SEMA5A: variants seen among roughly 807,000 people sequenced by gnomAD.
SEMA5A encodes the protein semaphorin 5A, also known as semaphorin-5A.
Under a neutral mutation model 135.5 loss-of-function variants are expected in SEMA5A, and 55 were observed. The ratio of observed to expected loss-of-function variants is 0.41; its 90% CI spans 0.33 to 0.51. The LOEUF is 0.51. Ranked by LOEUF, SEMA5A falls within the 20% of genes least tolerant of loss-of-function variation. SEMA5A has a pLI of 0.37. For missense variants in SEMA5A, 1,290 were observed against 1,419.9 expected, an observed-to-expected ratio of 0.91 and a Z score of 1.47; for synonymous variants, 580 against 546.5, an observed-to-expected ratio of 1.06 and a Z score of -0.85.
Position 9,288,869 on chromosome 5 carries a change from G to A in SEMA5A, c.270+29503C>T, listed in dbSNP as rs950339749. On this transcript the variant is annotated intron_variant, in intron 5 of 22. Transcript: ENST00000382496. ...GTTGATATTTGAAAGAAGTAGAAAT[G>A]AGGACACACAAAAAAAAGGAAAGCA... is the stretch of plus-strand genomic sequence containing the variant. Among the ~76,000 whole-genome samples, 3 of 152,120 alleles carry A rather than the reference G, an allele frequency of 2.0e-5. No individual in the cohort carries two copies. In the South Asian group the frequency reaches 6.2e-4, roughly 32 times the overall value.
intron 13 of SEMA5A, among the ~76,000 whole-genome samples, chr5:9,128,818 G>A (rs569872426): frequency 6.6e-6 from 1 of 152,134 alleles, no homozygotes; most frequent in East Asian, 1.9e-4. Context: ...TCTCCACATC[G>A]GCACTATTGA....
Position 9,042,754 on chromosome 5 carries a change from G to T in SEMA5A, c.*143C>A. Reference sequence around the variant, plus strand: ...TTGCTTTTAAAGACGTGTATTTTTGGCAGCAATGGGACACTCTGGTGGCTT... The same window carrying T: ...TTGCTTTTAAAGACGTGTATTTTTGTCAGCAATGGGACACTCTGGTGGCTT... On this transcript the variant is annotated 3_prime_UTR_variant, in exon 23 of 23. Coordinates refer to ENST00000382496, the MANE Select transcript of SEMA5A (RefSeq NM_003966.3). 2.2e-6 allele frequency: 2 copies of T among 906,670 alleles called. No individual in the cohort carries two copies. Among genetic ancestry groups the T allele is most frequent in the South Asian group, 1.6e-5 (1 of 61,466 alleles). 56.2% of individuals were successfully genotyped at this position (906,670 alleles called of 1,614,324 possible). A position where few individuals can be genotyped will look rare whatever the true frequency, so the allele number is the denominator to read the frequency against.
intron 2 of SEMA5A, among the ~76,000 whole-genome samples, chr5:9,393,985 G>A (rs907554422): frequency 6.6e-6 from 1 of 151,918 alleles, no homozygotes; most frequent in African/African-American, 2.4e-5. Flanking sequence ...TAAGAACGTT[G>A]AGAGAAAAAA....
intron 17 of SEMA5A, among the ~76,000 whole-genome samples, chr5:9,065,313 C>T (rs786848): frequency 0.76 from 116,033 of 152,108 alleles, 44,479 homozygotes; most frequent in East Asian, 0.95. Context: ...ATCTGTGACA[C>T]GAGAGCAGCT....
At chr5:9,188,830 C>T (rs930093366) in intron 11 of SEMA5A, among the ~76,000 whole-genome samples, 6 of 102,602 alleles carry the variant, frequency 5.8e-5, no homozygotes, top group Admixed American at 1.0e-4. Flanking sequence ...GACCTCCCAT[C>T]CCCTCCAGAT....
chr5:9,088,118 C>G (rs1013663453), intron 16 of SEMA5A, among the ~76,000 whole-genome samples: 2 of 152,000 alleles, frequency 1.3e-5, no homozygotes, highest in Non-Finnish European at 2.9e-5. Context: ...ACCATTCTGC[C>G]CAACATGGTG....
At chr5:9,439,998 G>T (rs1415733777) in intron 1 of SEMA5A, among the ~76,000 whole-genome samples, 1 of 152,264 alleles carries the variant, frequency 6.6e-6, no homozygotes, top group African/African-American at 2.4e-5. Context: ...CAGCCTGGGG[G>T]CTTGTCAGCC....
rs1406407538 is a variant in SEMA5A at position 9,353,060 on chromosome 5, G to GA, written c.125-15249dup. On this transcript the variant is annotated intron_variant, in intron 3 of 22. Transcript: ENST00000382496. Reference sequence around the variant, plus strand: ...AAAAGAAGAAGGAAGGAAAGGAAAGGAAGGAAAGGAAAGGAAAGGAAAGGA... The same window carrying GA: ...AAAAGAAGAAGGAAGGAAAGGAAAGGAAAGGAAAGGAAAGGAAAGGAAAGGA... Among the ~76,000 whole-genome samples, 7 of 36,532 alleles carry GA rather than the reference G, an allele frequency of 1.9e-4. No homozygotes were observed. The South Asian group carries it at 3.6e-3, about 19-fold the overall frequency. The allele number at this position is 36,532 out of a possible 152,430, so 24.0% of individuals were successfully genotyped here. A position where few individuals can be genotyped will look rare whatever the true frequency, so the allele number is the denominator to read the frequency against.
intron 7 of SEMA5A, 50 bp downstream of exon 7, chr5:9,226,819 T>C: frequency 7.2e-7 from 1 of 1,397,632 alleles, no homozygotes; most frequent in Non-Finnish European, 1.0e-6. Context: ...TACACAATGT[T>C]TTGCCTCTTC....
intron 1 of SEMA5A, among the ~76,000 whole-genome samples, chr5:9,504,702 C>T (rs1455639336): frequency 6.6e-6 from 1 of 152,168 alleles, no homozygotes; most frequent in Non-Finnish European, 1.5e-5. Flanking sequence ...AGGACAGGTG[C>T]AAGGGAGGAA....
At chr5:9,170,335 A>G (rs1743847739) in intron 11 of SEMA5A, among the ~76,000 whole-genome samples, 1 of 152,204 alleles carries the variant, frequency 6.6e-6, no homozygotes. Flanking sequence ...GTAGATACCC[A>G]TGCATGTCAC....
intron 18 of SEMA5A, 37 bp from the exon 19 acceptor site, chr5:9,054,294 C>T: frequency 6.3e-7 from 1 of 1,582,446 alleles, no homozygotes; most frequent in South Asian, 1.2e-5. Context: ...CTTCTATAAT[C>T]CAATCCCAAC....
intron 1 of SEMA5A, among the ~76,000 whole-genome samples, chr5:9,530,721 T>C (rs1471258727): frequency 6.6e-6 from 1 of 152,098 alleles, no homozygotes; most frequent in Non-Finnish European, 1.5e-5. Flanking sequence ...AGGATGCATC[T>C]ATAGTGGGCA....
chr5:9,451,816 T>C (rs1252632676), intron 1 of SEMA5A, among the ~76,000 whole-genome samples: 2 of 152,212 alleles, frequency 1.3e-5, no homozygotes, highest in Non-Finnish European at 2.9e-5. Flanking sequence ...CCATGTCACC[T>C]TCCCCGTCTT....
chr5:9,224,853 C>T lies in SEMA5A; in HGVS notation c.467G>A (p.Ser156Asn). ...ACTGTAGGGACAGCGGGCCATGCCA[C>T]TGATCTGATCATGGATCTCAGTCAG... is the stretch of plus-strand genomic sequence containing the variant. ...SNLTEIHDQI[S>N]GMARCPYSPQ... The change falls in exon 8 of 23, where the codon AGT becomes AAT. Residue 156 changes from serine to asparagine, a missense_variant. Ser to Asn is a conservative substitution (Grantham distance 46). This residue lies in a region of SEMA5A where 145 missense variants were observed against 212.0 expected (regional missense o/e 0.68). Transcript: ENST00000382496. 1 of 1,613,820 alleles carries T rather than the reference C, an allele frequency of 6.2e-7. No homozygotes were observed. Among genetic ancestry groups the T allele is most frequent in the South Asian group, 1.1e-5 (1 of 91,070 alleles).
chr5:9,436,326 G>T (rs970998044), intron 2 of SEMA5A, among the ~76,000 whole-genome samples: 1 of 152,186 alleles, frequency 6.6e-6, no homozygotes, highest in Non-Finnish European at 1.5e-5. Flanking sequence ...GTTCTCCATG[G>T]GGGAGGGAAC....
intron 1 of SEMA5A, among the ~76,000 whole-genome samples, chr5:9,439,336 G>C (rs1758148917): frequency 6.6e-6 from 1 of 152,108 alleles, no homozygotes; most frequent in African/African-American, 2.4e-5. Context: ...TTATTAAATG[G>C]CATGTTTGAA....
At chr5:9,231,598 ATC>A (rs781058692) in intron 6 of SEMA5A, among the ~76,000 whole-genome samples, 10 of 152,100 alleles carry the variant, frequency 6.6e-5, no homozygotes, top group Admixed American at 1.3e-4. Flanking sequence ...CACTTTGCCA[ATC>A]TCTGTTACAA....
intron 16 of SEMA5A, among the ~76,000 whole-genome samples, chr5:9,075,631 CAG>C (rs1376323584): frequency 6.6e-6 from 1 of 150,654 alleles, no homozygotes; most frequent in Non-Finnish European, 1.5e-5. Context: ...TGCATAGAGA[CAG>C]AAAGCAATCA....
Sources: gnomAD v4.1 joint callset for allele counts (sites outside exome capture counted in the v4.1 genomes callset) on GRCh38, gnomAD v4.1.1 for gene constraint, gnomAD v4.1.1 regional missense constraint, MANE v1.5 for transcripts, NCBI Gene and HGNC (gene_info 2026-07-23, HGNC 2026-07-21) for gene names.